Variants in SYN3 observed in about 807,000 individuals in gnomAD.
The protein encoded by SYN3 is synapsin-3.
SYN3 carries 35 observed loss-of-function variants against 65.8 expected under a neutral mutation model. That is an observed-to-expected ratio of 0.53 (90% CI 0.41 to 0.70). SYN3 has a LOEUF of 0.70. Among genes scored for constraint, SYN3 ranks in the 30% least tolerant of loss-of-function variants. The pLI is 0.00. For synonymous variants in SYN3, 270 were observed against 292.9 expected (o/e 0.92, Z 0.80); for missense variants, 680 against 749.0 (o/e 0.91, Z 1.08).
intron 6 of SYN3, among the ~76,000 whole-genome samples, chr22:32,636,123 C>T (rs932958820): frequency 3.9e-5 from 6 of 152,242 alleles, no homozygotes; most frequent in South Asian, 2.1e-4. Context: ...GAACCACGGC[C>T]GGGCGTGGTG....
intron 6 of SYN3, among the ~76,000 whole-genome samples, chr22:32,826,879 G>A (rs1411082239): frequency 6.6e-6 from 1 of 152,154 alleles, no homozygotes; most frequent in African/African-American, 2.4e-5. Flanking sequence ...ACAACCCTAG[G>A]AGCCTGCTGC....
chr22:32,520,583 C>T (rs891780585), intron 12 of SYN3, among the ~76,000 whole-genome samples: 1 of 152,084 alleles, frequency 6.6e-6, no homozygotes, highest in African/African-American at 2.4e-5. Flanking sequence ...AAAACTACAC[C>T]ACGCAGGCTC....
At chr22:32,565,178 A>G (rs1215124818) in intron 7 of SYN3, among the ~76,000 whole-genome samples, 1 of 152,182 alleles carries the variant, frequency 6.6e-6, no homozygotes, top group Non-Finnish European at 1.5e-5. Context: ...CTCGGACTGC[A>G]CCCAAACAGT....
At chr22:32,879,577 C>T (rs9609647) in intron 4 of SYN3, among the ~76,000 whole-genome samples, 15,644 of 152,218 alleles carry the variant, frequency 0.1, 1,298 homozygotes, top group East Asian at 0.43. Flanking sequence ...TTAATCCCAT[C>T]CATGAAAACT....
chr22:32,914,224 T>C (rs1199199887), intron 4 of SYN3, among the ~76,000 whole-genome samples: 2 of 152,148 alleles, frequency 1.3e-5, no homozygotes, highest in African/African-American at 2.4e-5. Context: ...AGAACAGTTT[T>C]GAAATAGACA....
At chr22:32,914,831 C>T (rs1332714913) in intron 4 of SYN3, among the ~76,000 whole-genome samples, 1 of 152,152 alleles carries the variant, frequency 6.6e-6, no homozygotes, top group African/African-American at 2.4e-5. Flanking sequence ...GAACTTGATA[C>T]ATGTTTGAAA....
At chr22:32,708,755 G>A (rs1465788823) in intron 6 of SYN3, among the ~76,000 whole-genome samples, 1 of 152,196 alleles carries the variant, frequency 6.6e-6, no homozygotes, top group Admixed American at 6.5e-5. Context: ...CCCAGGCCTC[G>A]ACACAGCCAG....
At position 32,633,701 on chromosome 22, in the gene SYN3, C is replaced by T. The variant is rs1275063914; in HGVS notation, c.712-36965G>A. Reference sequence around the variant, plus strand: ...GCAGTGATGTGATCACAGCTCCCTGCAGCCTCGACCTCCCAGGTCCAAGCA... The same window carrying T: ...GCAGTGATGTGATCACAGCTCCCTGTAGCCTCGACCTCCCAGGTCCAAGCA... On this transcript the variant is annotated intron_variant, in intron 6 of 13. Transcript: ENST00000358763. 2.6e-5 allele frequency among the ~76,000 whole-genome samples: 4 copies of T among 152,256 alleles called. 1 individual carries two copies. Among genetic ancestry groups the T allele is most frequent in the East Asian group, 1.9e-4 (1 of 5,182 alleles).
intron 6 of SYN3, among the ~76,000 whole-genome samples, chr22:32,842,273 GT>G (rs1332617475): frequency 1.3e-5 from 2 of 152,114 alleles, no homozygotes; most frequent in African/African-American, 2.4e-5. Context: ...TTTCAGGAGG[GT>G]TTTTTTGGGA....
intron 4 of SYN3, among the ~76,000 whole-genome samples, chr22:32,916,409 A>T (rs907314029): frequency 2.0e-5 from 3 of 152,254 alleles, no homozygotes; most frequent in Non-Finnish European, 4.4e-5. Context: ...CAGATCCAGA[A>T]AGGAAATAAT....
At chr22:32,976,072 T>G (rs1201825103) in intron 3 of SYN3, among the ~76,000 whole-genome samples, 1 of 152,212 alleles carries the variant, frequency 6.6e-6, no homozygotes, top group Non-Finnish European at 1.5e-5. Context: ...TAAAATATTT[T>G]AAGGGGAATA....
At chr22:32,573,860 C>T (rs1417455463) in intron 7 of SYN3, among the ~76,000 whole-genome samples, 2 of 148,336 alleles carry the variant, frequency 1.3e-5, no homozygotes, top group Non-Finnish European at 3.0e-5. Context: ...TCCTCCGCCT[C>T]CCAGGTTCAA....
intron 6 of SYN3, chr22:32,783,061 ACTTAAT>A (rs2046110346): frequency 2.0e-5 from 3 of 152,220 alleles, no homozygotes; most frequent in African/African-American, 7.2e-5. Flanking sequence ...GAAGCCAGGT[ACTTAAT>A]CTTAGTCCAC....
chr22:32,882,206 C>CCAT (rs2049161733), intron 4 of SYN3, among the ~76,000 whole-genome samples: 2 of 152,186 alleles, frequency 1.3e-5, no homozygotes, highest in South Asian at 4.1e-4. Flanking sequence ...CCTCCCCTGC[C>CCAT]CATCGGTCAG....
intron 7 of SYN3, among the ~76,000 whole-genome samples, chr22:32,582,215 T>TG (rs1278626957): frequency 6.6e-6 from 1 of 152,208 alleles, no homozygotes; most frequent in Non-Finnish European, 1.5e-5. Flanking sequence ...CTCATGGTAA[T>TG]GCCTGGTCCC....
At chr22:33,035,025 C>T (rs774801400) in intron 1 of SYN3, among the ~76,000 whole-genome samples, 1 of 152,096 alleles carries the variant, frequency 6.6e-6, no homozygotes, top group Non-Finnish European at 1.5e-5. Context: ...ATTCCATAAA[C>T]AGCAGGCTCA....
intron 4 of SYN3, among the ~76,000 whole-genome samples, chr22:32,893,783 C>T (rs980917842): frequency 1.1e-4 from 16 of 152,048 alleles, no homozygotes; most frequent in Admixed American, 3.9e-4. Context: ...TCCCCTTCTT[C>T]GCAAAGAAAG....
chr22:32,777,623 G>A (rs1735026872), intron 6 of SYN3, among the ~76,000 whole-genome samples: 1 of 151,960 alleles, frequency 6.6e-6, no homozygotes, highest in Non-Finnish European at 1.5e-5. Flanking sequence ...CTAGACACTG[G>A]GATATAAAGA....
chr22:33,043,582 A>G (rs1444889720), intron 1 of SYN3, among the ~76,000 whole-genome samples: 4 of 152,106 alleles, frequency 2.6e-5, no homozygotes, highest in African/African-American at 7.2e-5. Context: ...ATAAAAGCAC[A>G]AGCCATGAAG....
Sources: gnomAD v4.1 joint callset for allele counts (sites outside exome capture counted in the v4.1 genomes callset) on GRCh38, gnomAD v4.1.1 for gene constraint, MANE v1.5 for transcripts, NCBI Gene and HGNC (gene_info 2026-07-23, HGNC 2026-07-21) for gene names.